Variants in CNTNAP4 observed in about 807,000 individuals in gnomAD.
CNTNAP4 encodes the protein contactin-associated protein-like 4.
A neutral mutation model predicts 148.4 loss-of-function variants in CNTNAP4; 98 were observed. That is an observed-to-expected ratio of 0.66 (90% CI 0.56 to 0.78). The LOEUF (loss-of-function observed/expected upper bound fraction) is 0.78. Among genes scored for constraint, CNTNAP4 ranks in the 30% least tolerant of loss-of-function variants. CNTNAP4 has a pLI of 0.00. For missense variants in CNTNAP4, 1,935 were observed against 1,565.6 expected (o/e 1.24, Z -3.98); for synonymous variants, 730 against 565.1 (o/e 1.29, Z -4.14).
chr16:76,521,990 C>G (rs771272500), intron 16 of CNTNAP4, 49 bp from the exon 17 acceptor site: 2 of 1,558,330 alleles, frequency 1.3e-6, no homozygotes, highest in Admixed American at 1.7e-5. Flanking sequence ...AGACTCGGCA[C>G]TTCGCCATAG....
chr16:76,441,595 G>C (rs1366061627), intron 4 of CNTNAP4, among the ~76,000 whole-genome samples: 9 of 152,114 alleles, frequency 5.9e-5, no homozygotes, highest in Admixed American at 3.9e-4. Flanking sequence ...AGCTTGGGTA[G>C]GAGCTGACAG....
chr16:76,451,206 C>T (rs1158198901), intron 7 of CNTNAP4, among the ~76,000 whole-genome samples: 1 of 152,174 alleles, frequency 6.6e-6, no homozygotes, highest in Non-Finnish European at 1.5e-5. Flanking sequence ...ATTAGAAAAA[C>T]AACCTTAGGG....
chr16:76,534,956 A>G (rs2084153052), intron 17 of CNTNAP4, among the ~76,000 whole-genome samples: 1 of 152,216 alleles, frequency 6.6e-6, no homozygotes, highest in Non-Finnish European at 1.5e-5. Flanking sequence ...GAATCTTTCC[A>G]AGCATAAAAC....
intron 14 of CNTNAP4, among the ~76,000 whole-genome samples, chr16:76,496,463 G>C (rs2082406381): frequency 6.6e-6 from 1 of 152,048 alleles, no homozygotes; most frequent in African/African-American, 2.4e-5. Flanking sequence ...ACCCTTCTCA[G>C]ATAATTGTTG....
chr16:76,484,274 T>TCAAA (rs2081944387), intron 12 of CNTNAP4, among the ~76,000 whole-genome samples: 1 of 2,466 alleles, frequency 4.1e-4, no homozygotes, highest in African/African-American at 1.2e-3. Context: ...AGGAGAGAAA[T>TCAAA]GAAAAAAAAA....
At chr16:76,508,035 C>G (rs1450345426) in intron 15 of CNTNAP4, among the ~76,000 whole-genome samples, 1 of 97,912 alleles carries the variant, frequency 1.0e-5, no homozygotes, top group African/African-American at 2.6e-5. Context: ...AGATATCTTT[C>G]TCATACTGGC....
At chr16:76,518,572 C>G (rs187558133) in intron 15 of CNTNAP4, among the ~76,000 whole-genome samples, 102 of 151,738 alleles carry the variant, frequency 6.7e-4, no homozygotes, top group African/African-American at 2.1e-3. Context: ...TTATGGGGTA[C>G]GTGTGATATT....
chr16:76,464,981 C>T (rs2081125049), intron 9 of CNTNAP4, among the ~76,000 whole-genome samples: 1 of 152,148 alleles, frequency 6.6e-6, no homozygotes, highest in African/African-American at 2.4e-5. Flanking sequence ...TTTGCAATGC[C>T]TAACACAACA....
At chr16:76,529,843 C>CTGTGTG (rs35748962) in intron 17 of CNTNAP4, among the ~76,000 whole-genome samples, 19,064 of 148,292 alleles carry the variant, frequency 0.13, 1,330 homozygotes, top group South Asian at 0.19. Context: ...TGAATCTCAG[C>CTGTGTG]TGTGTGTGTG....
chr16:76,397,594 G>A (rs757909243), intron 3 of CNTNAP4, among the ~76,000 whole-genome samples: 1 of 151,850 alleles, frequency 6.6e-6, no homozygotes, highest in Non-Finnish European at 1.5e-5. Context: ...CCTAATGGTA[G>A]CAGTAAATAT....
intron 2 of CNTNAP4, among the ~76,000 whole-genome samples, chr16:76,332,420 G>A (rs565692590): frequency 1.9e-4 from 29 of 152,020 alleles, no homozygotes; most frequent in African/African-American, 6.5e-4. Flanking sequence ...GCACCACCAC[G>A]CCAGACTAAT....
chr16:76,522,301 T>C (rs1190283900), intron 17 of CNTNAP4, 44 bp downstream of exon 17: 1 of 1,522,492 alleles, frequency 6.6e-7, no homozygotes, highest in African/African-American at 1.4e-5. Context: ...ATGATATGTG[T>C]TCAGAAATGG....
At chr16:76,442,629 G>A (rs2080088262) in intron 4 of CNTNAP4, among the ~76,000 whole-genome samples, 1 of 151,824 alleles carries the variant, frequency 6.6e-6, no homozygotes, top group Admixed American at 6.6e-5. Flanking sequence ...AAACCTGAGG[G>A]GTGTCTTGCT....
intron 3 of CNTNAP4, among the ~76,000 whole-genome samples, chr16:76,397,797 T>TTGTGTGTGTGTG (rs10687638): frequency 6.9e-5 from 10 of 144,204 alleles, no homozygotes; most frequent in South Asian, 2.2e-4. Flanking sequence ...GTGCATGTGT[T>TTGTGTGTGTGTG]TGTGTGTGTG....
chr16:76,535,146 A>G (rs2084161541), intron 17 of CNTNAP4, among the ~76,000 whole-genome samples: 1 of 152,194 alleles, frequency 6.6e-6, no homozygotes, highest in East Asian at 1.9e-4. Flanking sequence ...TTAAAACTGT[A>G]CCAGAATCAA....
intron 21 of CNTNAP4, among the ~76,000 whole-genome samples, chr16:76,549,828 T>C (rs2084890284): frequency 6.6e-6 from 1 of 152,040 alleles, no homozygotes; most frequent in African/African-American, 2.4e-5. Context: ...AGAGAATATA[T>C]AGAGGAGACC....
At chr16:76,424,813 GAGAA>G (rs1211196139) in intron 3 of CNTNAP4, among the ~76,000 whole-genome samples, 1 of 152,012 alleles carries the variant, frequency 6.6e-6, no homozygotes, top group South Asian at 2.1e-4. Context: ...CACACCCAAA[GAGAA>G]AGAGAGAACA....
chr16:76,440,188 T>G (rs2079981077), intron 4 of CNTNAP4, among the ~76,000 whole-genome samples: 1 of 152,158 alleles, frequency 6.6e-6, no homozygotes, highest in South Asian at 2.1e-4. Context: ...CTCTGATCTT[T>G]GACAGGAACA....
chr16:76,491,761 C>A (rs905915068), intron 13 of CNTNAP4, among the ~76,000 whole-genome samples: 1 of 152,086 alleles, frequency 6.6e-6, no homozygotes, highest in Non-Finnish European at 1.5e-5. Context: ...TTTCAGTGTT[C>A]GGCTTATTCT....
Sources: allele counts gnomAD v4.1 joint callset (sites outside exome capture counted in the v4.1 genomes callset), GRCh38; gene constraint gnomAD v4.1.1; transcripts MANE v1.5; gene names NCBI Gene and HGNC (gene_info 2026-07-23, HGNC 2026-07-21).